ERG: variants seen among roughly 807,000 people sequenced by gnomAD.
The protein encoded by ERG is ETS transcription factor ERG.
ERG carries 9 observed loss-of-function variants against 55.3 expected under a neutral mutation model. The observed-to-expected ratio is 0.16, with a 90% CI of 0.10 to 0.28. The LOEUF (loss-of-function observed/expected upper bound fraction) is 0.28, where lower values mean the gene tolerates loss of function less well. ERG is among the 10% of genes least tolerant of loss of function. The pLI is 1.00. For missense variants in ERG, 434 were observed against 631.6 expected, an observed-to-expected ratio of 0.69 and a Z score of 3.35; for synonymous variants, 223 against 237.3, an observed-to-expected ratio of 0.94 and a Z score of 0.55.
upstream of ERG, among the ~76,000 whole-genome samples, chr21:38,588,316 C>CCCCA (rs1568933736): frequency 6.6e-6 from 1 of 151,968 alleles, no homozygotes; most frequent in African/African-American, 2.4e-5. Context: ...AGAGACACCC[C>CCCCA]CCACCACCAC....
chr21:38,584,413 A>G (rs1359990950), intron 1 of ERG, among the ~76,000 whole-genome samples: 2 of 152,248 alleles, frequency 1.3e-5, no homozygotes, highest in South Asian at 2.1e-4. Context: ...CATTCAGGTG[A>G]AATAACCACA....
intron 1 of ERG, among the ~76,000 whole-genome samples, chr21:38,652,724 C>T (rs974139551): frequency 5.9e-5 from 9 of 152,204 alleles, no homozygotes; most frequent in Admixed American, 1.3e-4. Context: ...TGCCCAAGAA[C>T]GGCCCTACAG....
intron 1 of ERG, among the ~76,000 whole-genome samples, chr21:38,629,064 C>T (rs980912814): frequency 6.6e-6 from 1 of 152,206 alleles, no homozygotes; most frequent in Non-Finnish European, 1.5e-5. Context: ...GAGTTTCCTG[C>T]ACAGACTGTA....
At chr21:38,449,599 C>G (rs1197790445) in intron 1 of ERG, among the ~76,000 whole-genome samples, 1 of 152,088 alleles carries the variant, frequency 6.6e-6, no homozygotes. Flanking sequence ...CATTAGAACA[C>G]TGAAAAAGAA....
chr21:38,425,959 T>G (rs1184224439), intron 2 of ERG, among the ~76,000 whole-genome samples: 1 of 152,198 alleles, frequency 6.6e-6, no homozygotes, highest in Non-Finnish European at 1.5e-5. Context: ...AAATATAGGT[T>G]TGTTCTCAGC....
intron 2 of ERG, among the ~76,000 whole-genome samples, chr21:38,426,788 G>T (rs1027712038): frequency 1.3e-5 from 2 of 151,876 alleles, no homozygotes; most frequent in African/African-American, 4.8e-5. Flanking sequence ...AAATTAGCCG[G>T]GCGTGGTGGT....
At position 38,402,478 on chromosome 21, in the gene ERG, C is replaced by G. The variant is rs1032769778; in HGVS notation, c.673+79G>C. On this transcript the variant is annotated intron_variant, in intron 5 of 9. Transcript: ENST00000288319. ...GTTCTGTCTTCCTGGCACGCGCTGA[C>G]TGGTTTCCCATGAAAGCATGCAACC... 3.8e-6 allele frequency: 4 copies of G among 1,061,048 alleles called. No individual in the cohort carries two copies. In the African/African-American group the frequency reaches 6.4e-5, roughly 17 times the overall value. 65.7% of individuals were successfully genotyped at this position (1,061,048 alleles called of 1,614,324 possible).
chr21:38,493,253 G>A (rs975848016), intron 1 of ERG, among the ~76,000 whole-genome samples: 1 of 152,102 alleles, frequency 6.6e-6, no homozygotes, highest in African/African-American at 2.4e-5. Context: ...TATACACTAG[G>A]ATATTGGTTA....
intron 2 of ERG, among the ~76,000 whole-genome samples, chr21:38,431,367 AT>A (rs754770469): frequency 1.6e-4 from 25 of 152,230 alleles, no homozygotes; most frequent in Non-Finnish European, 3.2e-4. Context: ...GGGCTTCGTA[AT>A]TTTCCTCTGC....
At chr21:38,492,335 T>C (rs974132040) in intron 1 of ERG, among the ~76,000 whole-genome samples, 1 of 152,236 alleles carries the variant, frequency 6.6e-6, no homozygotes, top group Non-Finnish European at 1.5e-5. Context: ...TTCAAGATAC[T>C]ACAGCTACAT....
chr21:38,433,416 C>T (rs150434397), intron 2 of ERG, among the ~76,000 whole-genome samples: 80 of 152,210 alleles, frequency 5.3e-4, no homozygotes, highest in East Asian at 3.7e-3. Flanking sequence ...ATACATAATA[C>T]CCCTTAAACA....
intron 1 of ERG, among the ~76,000 whole-genome samples, chr21:38,658,845 G>C (rs757403505): frequency 1.3e-5 from 2 of 152,174 alleles, no homozygotes; most frequent in African/African-American, 2.4e-5. Flanking sequence ...AACGTGGAAC[G>C]TGGAGGGGGG....
At chr21:38,464,430 G>A (rs975896364) in intron 1 of ERG, among the ~76,000 whole-genome samples, 2 of 152,180 alleles carry the variant, frequency 1.3e-5, no homozygotes, top group Non-Finnish European at 2.9e-5. Flanking sequence ...ACACACTGTG[G>A]AAAGCAATTT....
intron 1 of ERG, among the ~76,000 whole-genome samples, chr21:38,453,433 T>C (rs2058959421): frequency 6.6e-6 from 1 of 152,262 alleles, no homozygotes; most frequent in African/African-American, 2.4e-5. Context: ...AACATCATTT[T>C]AAAACAACTC....
rs2146556313 is a variant in ERG at position 38,445,412 on chromosome 21, A to G, written c.228T>C (p.Asn76=). Reference sequence around the variant, plus strand: ...GGCGGAAGTCTCCTTACCTTGAGCCATTCACCTGGCTAGGGTTACATTCCA... The same window carrying G: ...GGCGGAAGTCTCCTTACCTTGAGCCGTTCACCTGGCTAGGGTTACATTCCA... ...IKMECNPSQV[N]GSRNSPDECS... Residue 76 remains asparagine, a synonymous_variant, in exon 2 of 10, where the codon AAT becomes AAC. Coordinates refer to ENST00000288319, the MANE Select transcript of ERG (RefSeq NM_182918.4). 6.2e-7 allele frequency: 1 copy of G among 1,613,828 alleles called. No individual in the cohort carries two copies. Among genetic ancestry groups the G allele is most frequent in the Non-Finnish European group, 8.5e-7 (1 of 1,179,752 alleles).
At chr21:38,508,399 A>T (rs549845575) in intron 2 of ERG, among the ~76,000 whole-genome samples, 67 of 141,706 alleles carry the variant, frequency 4.7e-4, no homozygotes, top group African/African-American at 1.8e-3. Flanking sequence ...GATAGTCAAT[A>T]AAAAAAAAAT....
At chr21:38,594,942 A>G (rs1402643407) in intron 1 of ERG, among the ~76,000 whole-genome samples, 1 of 152,136 alleles carries the variant, frequency 6.6e-6, no homozygotes, top group Non-Finnish European at 1.5e-5. Context: ...AAGCAAAAAA[A>G]GAGTTGAGGG....
At chr21:38,374,905 T>C in the ERG span, among the ~76,000 whole-genome samples, 2 of 152,220 alleles carry the variant, frequency 1.3e-5, no homozygotes, top group Non-Finnish European at 2.9e-5. Flanking sequence ...AAGATTGTTT[T>C]CTGACCCCAT....
chr21:38,381,220 A>G lies in ERG; in HGVS notation c.*2183T>C. On this transcript the variant is annotated 3_prime_UTR_variant, in exon 10 of 10. Transcript: ENST00000288319. ...AAAAGGACTGCAACGTGAAAAAAACAGGCCCTGAAACAGCTATGAAAAGGG... is the reference window on the plus strand; with the variant it reads ...AAAAGGACTGCAACGTGAAAAAAACGGGCCCTGAAACAGCTATGAAAAGGG... 1 of 1,065,136 alleles carries G rather than the reference A, an allele frequency of 9.4e-7. No individual in the cohort carries two copies. The highest frequency in any genetic ancestry group is 1.1e-6 in the Non-Finnish European group (1 of 879,136). The allele number at this position is 1,065,136 out of a possible 1,614,324, so 66.0% of individuals were successfully genotyped here.
Sources: allele counts gnomAD v4.1 joint callset (sites outside exome capture counted in the v4.1 genomes callset), GRCh38; gene constraint gnomAD v4.1.1; transcripts MANE v1.5; gene names NCBI Gene and HGNC (gene_info 2026-07-23, HGNC 2026-07-21).